The following ACCSL variants were observed in gnomAD, a reference collection of about 807,000 sequenced individuals.
ACCSL encodes the protein 1-aminocyclopropane-1-carboxylate synthase homolog (inactive) like.
Under a neutral mutation model 61.7 loss-of-function variants are expected in ACCSL, and 55 were observed. The observed-to-expected ratio is 0.89, with a 90% CI of 0.72 to 1.12. ACCSL has a LOEUF of 1.12. ACCSL is among the 50% of genes most tolerant of loss of function. The probability of loss-of-function intolerance (pLI) is 0.00; values close to 1 mark genes in which losing one functional copy is unlikely to be tolerated. For synonymous variants in ACCSL, 258 were observed against 264.3 expected (o/e 0.98, Z 0.23); for missense variants, 632 against 698.0 (o/e 0.91, Z 1.07).
rs1180650649 is a variant in ACCSL, at chr11:44,055,216, T to A, written c.1064T>A (p.Val355Glu). Residue 355 changes from valine (V) to glutamate (E), a missense_variant, in exon 9 of 14, where the codon GTG becomes GAG. By Grantham distance (121) the Val-to-Glu change is moderately radical (BLOSUM62 -2). Transcript: ENST00000378832. ...LEFAKRYNLH[V>E]IIDEIYMLSV... ...CTAATCTACAGGTATAACCTACATG[T>A]GATCATAGATGAGATTTACATGCTG... 6.2e-7 allele frequency: 1 copy of A among 1,610,342 alleles called. No individual in the cohort carries two copies. Among genetic ancestry groups the A allele is most frequent in the South Asian group, 1.1e-5 (1 of 90,776 alleles).
the ACCSL span, among the ~76,000 whole-genome samples, chr11:43,964,696 G>C: frequency 8.6e-5 from 13 of 151,962 alleles, no homozygotes; most frequent in African/African-American, 3.1e-4. Flanking sequence ...AAATCCTCAA[G>C]AAAATACTAG....
chr11:43,942,866 G>A, the ACCSL span: 4 of 1,250,444 alleles, frequency 3.2e-6, 1 homozygote, highest in South Asian at 1.1e-4. Context: ...GGAGAGCCCC[G>A]GCGCCCCGCC....
At chr11:44,054,338 G>C (rs576940751) in intron 8 of ACCSL, among the ~76,000 whole-genome samples, 1 of 152,332 alleles carries the variant, frequency 6.6e-6, no homozygotes, top group South Asian at 2.1e-4. Context: ...AATGCTAGAG[G>C]GGGTAGGCAA....
chr11:43,947,065 A>C, the ACCSL span: 1 of 152,326 alleles, frequency 6.6e-6, no homozygotes, highest in Non-Finnish European at 1.5e-5. Context: ...TCTGCAGGCT[A>C]TACAAGCATG....
chr11:43,962,412 A>C, the ACCSL span, among the ~76,000 whole-genome samples: 1 of 152,242 alleles, frequency 6.6e-6, no homozygotes, highest in Non-Finnish European at 1.5e-5. Flanking sequence ...GTATGCAAAG[A>C]AAAGAGATGA....
chr11:43,927,574 G>C, the ACCSL span, among the ~76,000 whole-genome samples: 1 of 152,230 alleles, frequency 6.6e-6, no homozygotes, highest in Admixed American at 6.5e-5. Context: ...CACTGGTGTG[G>C]CTGGGTGCAG....
chr11:43,991,613 G>A, the ACCSL span, among the ~76,000 whole-genome samples: 784 of 152,280 alleles, frequency 5.1e-3, 7 homozygotes, highest in African/African-American at 0.018. Context: ...GGCCAACATG[G>A]CGAAACCCCA....
the ACCSL span, among the ~76,000 whole-genome samples, chr11:44,004,361 C>G: frequency 6.6e-6 from 1 of 151,928 alleles, no homozygotes; most frequent in African/African-American, 2.4e-5. Context: ...CCTGGGGGAC[C>G]AAGAAACTAC....
the ACCSL span, among the ~76,000 whole-genome samples, chr11:43,955,108 C>T: frequency 6.6e-6 from 1 of 152,206 alleles, no homozygotes. Flanking sequence ...CTTTCTGTCT[C>T]CTGTATCAAC....
At chr11:44,037,741 A>G in the ACCSL span, among the ~76,000 whole-genome samples, 5 of 152,204 alleles carry the variant, frequency 3.3e-5, no homozygotes. Context: ...ATTAGTTAGA[A>G]ATGAATATTC....
At chr11:43,988,292 C>T in the ACCSL span, among the ~76,000 whole-genome samples, 1 of 152,162 alleles carries the variant, frequency 6.6e-6, no homozygotes, top group Admixed American at 6.5e-5. Flanking sequence ...CTTCGTGTTA[C>T]CTCCAAAACA....
chr11:43,989,647 A>C, the ACCSL span, among the ~76,000 whole-genome samples: 1 of 152,286 alleles, frequency 6.6e-6, no homozygotes, highest in Non-Finnish European at 1.5e-5. Flanking sequence ...CCCACCCAGC[A>C]GGGGTGGAGA....
chr11:43,999,745 G>A, the ACCSL span, among the ~76,000 whole-genome samples: 604 of 152,210 alleles, frequency 4.0e-3, 1 homozygote, highest in Non-Finnish European at 5.2e-3. Context: ...CGGAGGCCAA[G>A]GTAAGGTTGG....
the ACCSL span, chr11:43,922,269 A>T: frequency 2.0e-5 from 3 of 152,212 alleles, no homozygotes; most frequent in Non-Finnish European, 4.4e-5. Flanking sequence ...GATCTCCAAG[A>T]CGTTAGGTAA....
At chr11:44,024,718 T>G in the ACCSL span, among the ~76,000 whole-genome samples, 2 of 152,160 alleles carry the variant, frequency 1.3e-5, no homozygotes, top group African/African-American at 4.8e-5. Flanking sequence ...GTTTATATGT[T>G]GTCTAAATGT....
chr11:43,964,419 G>A, the ACCSL span, among the ~76,000 whole-genome samples: 5 of 150,182 alleles, frequency 3.3e-5, no homozygotes, highest in South Asian at 2.1e-4. Context: ...CCTGGGTGAC[G>A]GAGTGAGACA....
chr11:43,936,278 T>G, the ACCSL span, among the ~76,000 whole-genome samples: 2 of 152,080 alleles, frequency 1.3e-5, no homozygotes, highest in Non-Finnish European at 2.9e-5. Flanking sequence ...GGCAGGAGGG[T>G]ATAAGCCACC....
chr11:43,935,864 A>G, the ACCSL span, among the ~76,000 whole-genome samples: 1 of 152,050 alleles, frequency 6.6e-6, no homozygotes, highest in African/African-American at 2.4e-5. Flanking sequence ...GGACTGTCCT[A>G]CATCCCTTTT....
At chr11:43,997,501 T>C in the ACCSL span, among the ~76,000 whole-genome samples, 1 of 152,200 alleles carries the variant, frequency 6.6e-6, no homozygotes, top group Non-Finnish European at 1.5e-5. Context: ...AGTTGCGATA[T>C]TTTCCATGCT....
Sources: gnomAD v4.1 joint callset for allele counts (sites outside exome capture counted in the v4.1 genomes callset) on GRCh38, gnomAD v4.1.1 for gene constraint, MANE v1.5 for transcripts, NCBI Gene and HGNC (gene_info 2026-07-23, HGNC 2026-07-21) for gene names.